Variants in PTPRQ observed in about 807,000 individuals in gnomAD.
PTPRQ encodes protein tyrosine phosphatase receptor type Q.
A neutral mutation model predicts 246.0 loss-of-function variants in PTPRQ; 199 were observed. That is an observed-to-expected ratio of 0.81 (90% CI 0.72 to 0.91). The LOEUF is 0.91. PTPRQ is among the 40% of genes least tolerant of loss of function. PTPRQ has a pLI of 0.00. For synonymous variants in PTPRQ, 869 were observed against 853.2 expected (o/e 1.02, Z -0.32); for missense variants, 2,624 against 2,528.4 (o/e 1.04, Z -0.81).
In PTPRQ at chr12:80,613,756, C is replaced by G; in HGVS notation, c.5083C>G (p.Leu1695Val). The change falls in exon 29 of 45, where the codon CTC becomes GTC. Residue 1695 changes from leucine to valine, a missense_variant. Coordinates refer to ENST00000644991, the MANE Select transcript of PTPRQ (RefSeq NM_001145026.2). Reference protein sequence around the residue: ...DDPTAVQIHNLSIIQKTNTFV... With the variant: ...DDPTAVQIHNVSIIQKTNTFV... Reference sequence around the variant, plus strand: ...TCCTACTGCTGTCCAGATTCACAACCTCAGTATTATACAGAAAACCAACAC... The same window carrying G: ...TCCTACTGCTGTCCAGATTCACAACGTCAGTATTATACAGAAAACCAACAC... The G allele has an allele frequency of 1.9e-6, 3 of 1,545,188 alleles. No homozygotes were observed. Among genetic ancestry groups the G allele is most frequent in the Non-Finnish European group, 2.6e-6 (3 of 1,142,798 alleles).
chr12:80,445,827 C>T, intron 3 of PTPRQ, 110 bp downstream of exon 3: 1 of 734,560 alleles, frequency 1.4e-6, no homozygotes, highest in African/African-American at 1.7e-5. Context: ...CAGTCAGTGA[C>T]TGACAACGTT....
intron 8 of PTPRQ, among the ~76,000 whole-genome samples, chr12:80,478,534 G>A (rs1237041800): frequency 1.3e-5 from 2 of 152,310 alleles, no homozygotes; most frequent in East Asian, 1.9e-4. Context: ...GACGGAGAAC[G>A]ACTTTGACGA....
chr12:80,450,749 G>C (rs1260080524), intron 3 of PTPRQ, among the ~76,000 whole-genome samples: 3 of 152,182 alleles, frequency 2.0e-5, no homozygotes, highest in Non-Finnish European at 2.9e-5. Flanking sequence ...TTGTGGATAA[G>C]CTTTTTGGTG....
intron 8 of PTPRQ, among the ~76,000 whole-genome samples, chr12:80,477,727 G>C (rs1171700942): frequency 1.3e-5 from 2 of 152,200 alleles, no homozygotes. Flanking sequence ...AGCGCAAGGG[G>C]TCAGGGAGTT....
chr12:80,459,975 G>C (rs1893102959), intron 5 of PTPRQ, among the ~76,000 whole-genome samples: 2 of 152,150 alleles, frequency 1.3e-5, no homozygotes, highest in Admixed American at 1.3e-4. Context: ...GCATATCTTT[G>C]GTAAAGAATT....
rs1893016553 is a variant in PTPRQ at position 80,457,497 on chromosome 12, A to C, written c.391-78A>C. On this transcript the variant is annotated intron_variant, in intron 3 of 44. Coordinates refer to ENST00000644991, the MANE Select transcript of PTPRQ (RefSeq NM_001145026.2). Reference sequence around the variant, plus strand: ...TTGGCATTTATCTTATGGATAAGTCAAAGTTTTGTTTTAAATTTTAGATTC... The same window carrying C: ...TTGGCATTTATCTTATGGATAAGTCCAAGTTTTGTTTTAAATTTTAGATTC... 3 of 399,514 alleles carry C rather than the reference A, an allele frequency of 7.5e-6. No individual in the cohort carries two copies. In the South Asian group the frequency reaches 3.8e-4, roughly 50 times the overall value. 24.7% of individuals were successfully genotyped at this position (399,514 alleles called of 1,614,324 possible). A position where few individuals can be genotyped will look rare whatever the true frequency, so the allele number is the denominator to read the frequency against.
Position 80,541,775 on chromosome 12 carries a change from T to C in PTPRQ, c.3375T>C (p.Ile1125=). 1 of 1,551,018 alleles carries C rather than the reference T, an allele frequency of 6.4e-7. No homozygotes were observed. Among genetic ancestry groups the C allele is most frequent in the Non-Finnish European group, 8.7e-7 (1 of 1,146,572 alleles). Residue 1125 remains isoleucine (I), a synonymous_variant, in exon 21 of 45, where the codon ATT becomes ATC. Transcript: ENST00000644991. Reference sequence around the variant, plus strand: ...AATACACTGATTATATATTAAAAATTACTCCATCAACAGAAAAGGGATTCT... The same window carrying C: ...AATACACTGATTATATATTAAAAATCACTCCATCAACAGAAAAGGGATTCT... The part of the protein sequence containing the change: ...LEKYTDYILK[I]TPSTEKGFSD...
chr12:80,560,273 G>A (rs1896786466), intron 25 of PTPRQ, among the ~76,000 whole-genome samples: 1 of 152,106 alleles, frequency 6.6e-6, no homozygotes, highest in Admixed American at 6.5e-5. Flanking sequence ...TTCCCTGTGG[G>A]TATTTTAAGG....
intron 25 of PTPRQ, among the ~76,000 whole-genome samples, chr12:80,562,861 T>C (rs1330528974): frequency 6.6e-6 from 1 of 151,390 alleles, no homozygotes; most frequent in Non-Finnish European, 1.5e-5. Context: ...TAAATAAAAT[T>C]GACAAATCTC....
chr12:80,484,674 A>T, intron 9 of PTPRQ, 69 bp downstream of exon 9: 13 of 1,508,222 alleles, frequency 8.6e-6, no homozygotes, highest in Non-Finnish European at 1.1e-5. Flanking sequence ...AGCTTGGAAG[A>T]TTTGCTAGCA....
chr12:80,570,420 G>T (rs1234037085), intron 25 of PTPRQ, among the ~76,000 whole-genome samples: 2 of 151,420 alleles, frequency 1.3e-5, no homozygotes, highest in African/African-American at 4.8e-5. Context: ...CCCACATTTT[G>T]ATGGGGTTGT....
intron 39 of PTPRQ, among the ~76,000 whole-genome samples, chr12:80,661,062 G>A (rs1900613156): frequency 6.6e-6 from 1 of 151,716 alleles, no homozygotes; most frequent in South Asian, 2.1e-4. Context: ...CCTTCAATAT[G>A]AATTGAGGAC....
chr12:80,591,555 T>C (rs1280555429), intron 26 of PTPRQ, among the ~76,000 whole-genome samples: 1 of 152,142 alleles, frequency 6.6e-6, no homozygotes, highest in Non-Finnish European at 1.5e-5. Flanking sequence ...CCAGTGCAGG[T>C]GATGATAAGG....
At chr12:80,539,753 C>T (rs1565773510) in intron 19 of PTPRQ, 23 bp from the exon 20 acceptor site, 2 of 1,508,954 alleles carry the variant, frequency 1.3e-6, no homozygotes, top group East Asian at 5.1e-5. Flanking sequence ...ACATTCTGAA[C>T]AATGAATGTG....
chr12:80,523,610 A>T (rs1365135144), intron 17 of PTPRQ, among the ~76,000 whole-genome samples: 2 of 152,130 alleles, frequency 1.3e-5, no homozygotes. Flanking sequence ...TTCTGCCTTC[A>T]TTTCATTATG....
chr12:80,509,197 T>C (rs1895051666), intron 16 of PTPRQ, among the ~76,000 whole-genome samples: 3 of 152,082 alleles, frequency 2.0e-5, no homozygotes, highest in Non-Finnish European at 4.4e-5. Context: ...TTATTCCTTA[T>C]AACTTGTCTC....
chr12:80,564,562 G>GT (rs1896924725), intron 25 of PTPRQ, among the ~76,000 whole-genome samples: 1 of 152,148 alleles, frequency 6.6e-6, no homozygotes, highest in African/African-American at 2.4e-5. Flanking sequence ...AAGTGCTGTG[G>GT]TAGAAAGTAT....
intron 35 of PTPRQ, among the ~76,000 whole-genome samples, chr12:80,644,669 A>G (rs1479412773): frequency 2.0e-5 from 3 of 152,080 alleles, no homozygotes; most frequent in African/African-American, 7.2e-5. Flanking sequence ...CCTCTCAGTG[A>G]TAAGTTAGTG....
chr12:80,541,475 A>G, intron 20 of PTPRQ, 80 bp from the exon 21 acceptor site: 3 of 1,191,798 alleles, frequency 2.5e-6, no homozygotes, highest in South Asian at 3.5e-5. Context: ...TGCCATTTCA[A>G]CAATTATACT....
Sources: allele counts gnomAD v4.1 joint callset (sites outside exome capture counted in the v4.1 genomes callset), GRCh38; gene constraint gnomAD v4.1.1; transcripts MANE v1.5; gene names NCBI Gene and HGNC (gene_info 2026-07-23, HGNC 2026-07-21).